CNIH3: variants seen among roughly 807,000 people sequenced by gnomAD.
CNIH3 encodes cornichon family AMPA receptor auxiliary protein 3, also known as protein cornichon homolog 3.
CNIH3 carries 14 observed loss-of-function variants against 24.1 expected under a neutral mutation model. That is an observed-to-expected ratio of 0.58 (90% CI 0.38 to 0.91). The LOEUF (loss-of-function observed/expected upper bound fraction) is 0.91. Among genes scored for constraint, CNIH3 ranks in the 40% least tolerant of loss-of-function variants. The pLI is 0.00. For missense variants in CNIH3, 178 were observed against 196.8 expected, an observed-to-expected ratio of 0.90 and a Z score of 0.57; for synonymous variants, 68 against 73.8, an observed-to-expected ratio of 0.92 and a Z score of 0.40.
At chr1:224,480,028 C>T (rs942348115) in intron 1 of CNIH3, among the ~76,000 whole-genome samples, 12 of 152,130 alleles carry the variant, frequency 7.9e-5, no homozygotes, top group African/African-American at 2.9e-4. Context: ...TCTATGAGGG[C>T]CCTGTCCCTG....
upstream of CNIH3, among the ~76,000 whole-genome samples, chr1:224,614,490 T>C (rs1278430039): frequency 6.6e-6 from 1 of 152,038 alleles, no homozygotes; most frequent in East Asian, 1.9e-4. Context: ...CCTGGCCATA[T>C]ATTGAGACCT....
At chr1:224,495,848 G>A (rs2124857883) in intron 1 of CNIH3, among the ~76,000 whole-genome samples, 1 of 152,208 alleles carries the variant, frequency 6.6e-6, no homozygotes, top group East Asian at 1.9e-4. Context: ...CATCACTTTG[G>A]GAGACTGAGG....
At chr1:224,525,177 G>A (rs1295865038) in intron 2 of CNIH3, among the ~76,000 whole-genome samples, 1 of 152,178 alleles carries the variant, frequency 6.6e-6, no homozygotes, top group African/African-American at 2.4e-5. Context: ...CATGAGTTGG[G>A]TTTCTGAAAC....
At chr1:224,519,016 C>G (rs1473359758) in intron 1 of CNIH3, among the ~76,000 whole-genome samples, 1 of 152,168 alleles carries the variant, frequency 6.6e-6, no homozygotes, top group Non-Finnish European at 1.5e-5. Flanking sequence ...AATAATAATA[C>G]CTACCCCACT....
intron 1 of CNIH3, among the ~76,000 whole-genome samples, chr1:224,623,172 A>G (rs541697360): frequency 4.8e-4 from 72 of 150,600 alleles, no homozygotes; most frequent in Non-Finnish European, 8.6e-4. Context: ...CCTGTTCTCT[A>G]CTCCCGCACT....
intron 1 of CNIH3, among the ~76,000 whole-genome samples, chr1:224,646,058 A>G (rs1684590345): frequency 6.6e-6 from 1 of 152,230 alleles, no homozygotes; most frequent in Admixed American, 6.5e-5. Flanking sequence ...CAGCAAGCAC[A>G]TAATTATATG....
At chr1:224,671,514 C>T (rs1017549412) in intron 1 of CNIH3, among the ~76,000 whole-genome samples, 6 of 152,194 alleles carry the variant, frequency 3.9e-5, no homozygotes, top group African/African-American at 1.4e-4. Context: ...GGAGGAAGCA[C>T]AAGAAAGAGA....
intron 1 of CNIH3, among the ~76,000 whole-genome samples, chr1:224,671,597 C>T (rs1220653675): frequency 6.6e-6 from 1 of 152,256 alleles, no homozygotes; most frequent in Non-Finnish European, 1.5e-5. Context: ...CTAACGACCT[C>T]TCATTCTTCT....
At chr1:224,564,806 T>C (rs1499294) in intron 3 of CNIH3, among the ~76,000 whole-genome samples, 40,872 of 152,222 alleles carry the variant, frequency 0.27, 5,862 homozygotes, top group Admixed American at 0.33. Context: ...GATGGCTTTG[T>C]CTGCCAGAAA....
intron 3 of CNIH3, among the ~76,000 whole-genome samples, chr1:224,556,519 TG>T (rs1170639172): frequency 6.6e-6 from 1 of 152,148 alleles, no homozygotes; most frequent in Non-Finnish European, 1.5e-5. Flanking sequence ...CCAACCTTTT[TG>T]GTACCAGGGA....
chr1:224,533,535 G>A (rs975154402), intron 2 of CNIH3, among the ~76,000 whole-genome samples: 2 of 152,154 alleles, frequency 1.3e-5, no homozygotes, highest in African/African-American at 2.4e-5. Flanking sequence ...TCGTTCTGGG[G>A]GCTGGAAGTC....
At chr1:224,657,624 C>G (rs929598731) in intron 1 of CNIH3, among the ~76,000 whole-genome samples, 1 of 152,298 alleles carries the variant, frequency 6.6e-6, no homozygotes, top group East Asian at 1.9e-4. Flanking sequence ...TAGTCCTGTT[C>G]TGCTTGATAT....
At chr1:224,488,287 G>A (rs1038073718) in intron 1 of CNIH3, among the ~76,000 whole-genome samples, 11 of 151,996 alleles carry the variant, frequency 7.2e-5, no homozygotes, top group African/African-American at 2.4e-4. Context: ...TTGTACTTAC[G>A]TTAAATCTTT....
chr1:224,577,893 A>G (rs1681103659), intron 4 of CNIH3, among the ~76,000 whole-genome samples: 1 of 152,240 alleles, frequency 6.6e-6, no homozygotes, highest in Admixed American at 6.5e-5. Context: ...TAGCCATAAA[A>G]AGGAACAAAA....
At chr1:224,733,395 T>A (rs1030698638) in intron 4 of CNIH3, among the ~76,000 whole-genome samples, 2 of 152,062 alleles carry the variant, frequency 1.3e-5, no homozygotes, top group Non-Finnish European at 2.9e-5. Context: ...TGACAGCAAA[T>A]AGCTTTTGAG....
intron 4 of CNIH3, among the ~76,000 whole-genome samples, chr1:224,579,900 C>T (rs984587445): frequency 6.6e-6 from 1 of 152,156 alleles, no homozygotes; most frequent in Non-Finnish European, 1.5e-5. Flanking sequence ...GTTAAATAAG[C>T]CTTTTCTTTT....
At chr1:224,608,233 C>G (rs1442173535) in intron 3 of CNIH3, among the ~76,000 whole-genome samples, 2 of 152,198 alleles carry the variant, frequency 1.3e-5, no homozygotes, top group Non-Finnish European at 2.9e-5. Context: ...CACAGTTTGA[C>G]CTTTGACTTG....
intron 3 of CNIH3, among the ~76,000 whole-genome samples, chr1:224,717,144 G>A (rs984438267): frequency 1.3e-5 from 2 of 152,196 alleles, no homozygotes; most frequent in South Asian, 2.1e-4. Flanking sequence ...GCATGCACAC[G>A]TGTGCTTGGG....
intron 1 of CNIH3, among the ~76,000 whole-genome samples, chr1:224,500,681 A>G (rs908135897): frequency 1.6e-3 from 23 of 14,034 alleles, no homozygotes; most frequent in African/African-American, 2.5e-3. Flanking sequence ...AAAGCAAAGA[A>G]AAAAAAAAAA....
Sources: gnomAD v4.1 joint callset for allele counts (sites outside exome capture counted in the v4.1 genomes callset) on GRCh38, gnomAD v4.1.1 for gene constraint, MANE v1.5 for transcripts, NCBI Gene and HGNC (gene_info 2026-07-23, HGNC 2026-07-21) for gene names.